Variants in CASP9 observed in about 807,000 individuals in gnomAD.
The protein encoded by CASP9 is caspase-9.
In CASP9, 29 loss-of-function variants were observed where a neutral mutation model predicts 43.5. The observed-to-expected ratio is 0.67, with a 90% confidence interval of 0.50 to 0.91. The LOEUF (loss-of-function observed/expected upper bound fraction) is 0.91, where lower values mean the gene tolerates loss of function less well. Among genes scored for constraint, CASP9 ranks in the 40% least tolerant of loss-of-function variants. The pLI is 0.00. For missense variants in CASP9, 575 were observed against 537.4 expected (o/e 1.07, Z -0.69); for synonymous variants, 206 against 211.9 (o/e 0.97, Z 0.24).
chr1:15,524,303 G>A, upstream of CASP9: 1 of 1,097,562 alleles, frequency 9.1e-7, no homozygotes, highest in Non-Finnish European at 1.2e-6. Flanking sequence ...GCCTGCCCCC[G>A]CGTCACGGCC....
intron 3 of CASP9, 97 bp downstream of exon 3, chr1:15,507,776 C>T: frequency 8.0e-7 from 1 of 1,248,760 alleles, no homozygotes; most frequent in Non-Finnish European, 1.2e-6. Flanking sequence ...GGGTTGGGTT[C>T]CCTGGGCTCC....
intron 7 of CASP9, among the ~76,000 whole-genome samples, 181 bp downstream of exon 7, chr1:15,495,092 C>T (rs1344257843): frequency 6.6e-6 from 1 of 151,866 alleles, no homozygotes; most frequent in Non-Finnish European, 1.5e-5. Context: ...CCTTGCAGCG[C>T]GCATCCTTGC....
upstream of CASP9, chr1:15,524,734 C>A: frequency 6.8e-6 from 7 of 1,025,566 alleles, no homozygotes; most frequent in Non-Finnish European, 8.2e-6. Context: ...ATTCTGGGGT[C>A]ACCGCCTGTC....
chr1:15,493,696 G>C (rs1708980222), intron 8 of CASP9, 196 bp downstream of exon 8: 1 of 1,467,020 alleles, frequency 6.8e-7, no homozygotes, highest in African/African-American at 1.4e-5. Context: ...TTTGAATAAA[G>C]GGCAAACGTC....
chr1:15,504,463 A>T (rs1709442043), intron 6 of CASP9, 148 bp downstream of exon 6: 2 of 722,672 alleles, frequency 2.8e-6, no homozygotes, highest in Admixed American at 6.1e-5. Flanking sequence ...AGCCAGACAG[A>T]GGTGCTGCCA....
At chr1:15,508,250 T>A (rs1709600276) in intron 2 of CASP9, among the ~76,000 whole-genome samples, 1 of 152,152 alleles carries the variant, frequency 6.6e-6, no homozygotes, top group Non-Finnish European at 1.5e-5. Context: ...CAAATTGTGA[T>A]ACAGCCACAC....
chr1:15,491,667 A>C lies in CASP9; in HGVS notation c.*1276T>G. 4.5e-6 allele frequency: 1 copy of C among 220,142 alleles called. No individual in the cohort carries two copies. Among genetic ancestry groups the C allele is most frequent in the East Asian group, 1.0e-4 (1 of 9,666 alleles). 13.6% of individuals were successfully genotyped at this position (220,142 alleles called of 1,614,324 possible). On this transcript the variant is annotated 3_prime_UTR_variant, in exon 9 of 9. Coordinates refer to ENST00000333868, the MANE Select transcript of CASP9 (RefSeq NM_001229.5). ...AAGCTACTCAGGTGGCTGAGGTGGA[A>C]GGATCTCTTGAGCCCAGGAGGTCGA...
At chr1:15,494,092 C>T (rs2103323727) in intron 7 of CASP9, 91 bp from the exon 8 acceptor site, 1 of 1,490,400 alleles carries the variant, frequency 6.7e-7, no homozygotes, top group South Asian at 1.3e-5. Context: ...GGCTCGGGCG[C>T]CCTCCAGACC....
At chr1:15,524,227 C>A, upstream of CASP9, 3 of 1,531,676 alleles carry the variant, frequency 2.0e-6, no homozygotes, top group Non-Finnish European at 2.6e-6. Context: ...AGACTCCAGG[C>A]CGCCTCAGTC....
Position 15,507,777 on chromosome 1 carries a change from C to T in CASP9, c.453+96G>A, listed in dbSNP as rs4646033. ...CACTGCACTGCCTAGGGTTGGGTTC[C>T]CTGGGCTCCTGACACACCTGCAGGG... On this transcript the variant is annotated intron_variant, in intron 3 of 8. Coordinates refer to ENST00000333868, the MANE Select transcript of CASP9 (RefSeq NM_001229.5). 1.2e-4 allele frequency: 149 copies of T among 1,267,536 alleles called. No homozygotes were observed. The African/African-American group carries it at 2.0e-3, about 17-fold the overall frequency. The allele number at this position is 1,267,536 out of a possible 1,614,324, so 78.5% of individuals were successfully genotyped here.
At chr1:15,522,496 C>T (rs1256153799) in intron 1 of CASP9, among the ~76,000 whole-genome samples, 2 of 152,040 alleles carry the variant, frequency 1.3e-5, no homozygotes, top group Admixed American at 1.3e-4. Flanking sequence ...TCACTTGAGG[C>T]CAAGAGTTTG....
In CASP9 at chr1:15,492,948, A is replaced by T; in HGVS notation, c.1246T>A (p.Ser416Thr). Reference sequence around the variant, plus strand: ...CAGGGTGAGGGGCCCTGGCCTTATGATGTTTTAAAGAAAAGTTTTTTCCGG... The same window carrying T: ...CAGGGTGAGGGGCCCTGGCCTTATGTTGTTTTAAAGAAAAGTTTTTTCCGG... ...FLRKKLFFKT[S>T] Residue 416 changes from serine (S) to threonine (T), a missense_variant, in exon 9 of 9, where the codon TCA becomes ACA. Ser to Thr is a moderately conservative substitution (Grantham distance 58, BLOSUM62 1). Transcript: ENST00000333868. The T allele has an allele frequency of 6.2e-7, 1 of 1,613,862 alleles. No individual in the cohort carries two copies. The highest frequency in any genetic ancestry group is 8.5e-7 in the Non-Finnish European group (1 of 1,180,032).
At chr1:15,494,477 A>G (rs1165930055) in intron 7 of CASP9, among the ~76,000 whole-genome samples, 1 of 151,656 alleles carries the variant, frequency 6.6e-6, no homozygotes, top group African/African-American at 2.4e-5. Context: ...AGGCAGGAGA[A>G]TTACTTCAAC....
upstream of CASP9, chr1:15,524,595 C>CACTGA: frequency 2.0e-6 from 2 of 1,016,538 alleles, no homozygotes; most frequent in South Asian, 5.3e-5. Context: ...CACGTCACCG[C>CACTGA]CCCGCCCCCG....
chr1:15,495,441 G>A lies in CASP9; in HGVS notation c.880C>T (p.His294Tyr), dbSNP rs371693154. ...IQACGGEQKD[H>Y]GFEVASTSPE... Reference sequence around the variant, plus strand: ...GAAGTGGAGGCCACCTCAAACCCATGGTCTTTCTGCTCTGCAGGAAGCAGA... The same window carrying A: ...GAAGTGGAGGCCACCTCAAACCCATAGTCTTTCTGCTCTGCAGGAAGCAGA... Residue 294 changes from histidine (H) to tyrosine (Y), a missense_variant, in exon 7 of 9, where the codon CAT becomes TAT. Physicochemically the swap from His to Tyr is moderately conservative, Grantham distance 83. Transcript: ENST00000333868. The A allele has an allele frequency of 5.0e-6, 8 of 1,594,236 alleles. No homozygotes were observed. Among genetic ancestry groups the A allele is most frequent in the South Asian group, 3.4e-5 (3 of 87,836 alleles).
Position 15,492,856 on chromosome 1 carries a change from G to A in CASP9, c.*87C>T. On this transcript the variant is annotated 3_prime_UTR_variant, in exon 9 of 9. Coordinates refer to ENST00000333868, the MANE Select transcript of CASP9 (RefSeq NM_001229.5). ...GTGCCGGCTGCAAAGTCCTTGAGTT[G>A]CAGGAAAGTCCAGGCCTCAGCCTCT... 3.9e-6 allele frequency: 6 copies of A among 1,553,062 alleles called. No individual in the cohort carries two copies. Among genetic ancestry groups the A allele is most frequent in the East Asian group, 2.2e-5 (1 of 44,594 alleles).
intron 1 of CASP9, among the ~76,000 whole-genome samples, chr1:15,518,742 G>C (rs1246602223): frequency 6.6e-6 from 1 of 152,244 alleles, no homozygotes; most frequent in Non-Finnish European, 1.5e-5. Flanking sequence ...ATCATGAAGT[G>C]AATAGCGAAT....
In CASP9 at chr1:15,505,998, C is replaced by G; in HGVS notation, c.712G>C (p.Gly238Arg). ...AGTGGGAGGCTTCCTACCTGACAGCCGTGAGAGAGAATGACCACCACGCAG... is the reference window on the plus strand; with the variant it reads ...AGTGGGAGGCTTCCTACCTGACAGCGGTGAGAGAGAATGACCACCACGCAG... ...DCCVVVILSHGCQASHLQFPG... is the reference protein window; with the variant it reads ...DCCVVVILSHRCQASHLQFPG... Residue 238 changes from glycine (G) to arginine (R), a missense_variant, in exon 5 of 9, where the codon GGC becomes CGC. Coordinates refer to ENST00000333868, the MANE Select transcript of CASP9 (RefSeq NM_001229.5). 2 of 1,613,864 alleles carry G rather than the reference C, an allele frequency of 1.2e-6. No homozygotes were observed. Among genetic ancestry groups the G allele is most frequent in the Non-Finnish European group, 1.7e-6 (2 of 1,179,722 alleles).
chr1:15,506,407 G>A (rs1280307973), intron 4 of CASP9, among the ~76,000 whole-genome samples: 1 of 152,064 alleles, frequency 6.6e-6, no homozygotes, highest in Non-Finnish European at 1.5e-5. Flanking sequence ...AGTGAGCCGA[G>A]ATCGCGCCAC....
Sources: gnomAD v4.1 joint callset for allele counts (sites outside exome capture counted in the v4.1 genomes callset) on GRCh38, gnomAD v4.1.1 for gene constraint, MANE v1.5 for transcripts, NCBI Gene and HGNC (gene_info 2026-07-23, HGNC 2026-07-21) for gene names.